DRC11: variants seen among roughly 807,000 people sequenced by gnomAD.
DRC11 encodes the protein IQ and AAA domain-containing protein 1.
chr2:236,374,027 A>G, the DRC11 span, among the ~76,000 whole-genome samples: 1 of 151,976 alleles, frequency 6.6e-6, no homozygotes, highest in East Asian at 1.9e-4. Flanking sequence ...CTCATCTGCT[A>G]TTGAGGTGGG....
chr2:236,487,936 T>C, the DRC11 span: 4 of 1,139,250 alleles, frequency 3.5e-6, no homozygotes, highest in Middle Eastern at 3.0e-4. Flanking sequence ...AGCCCCAAAA[T>C]TGAGATGTAT....
At chr2:236,466,745 A>G in the DRC11 span, among the ~76,000 whole-genome samples, 1 of 152,228 alleles carries the variant, frequency 6.6e-6, no homozygotes, top group Non-Finnish European at 1.5e-5. Context: ...TCTGCCCCCA[A>G]GATCCATCAC....
At chr2:236,436,288 T>G in the DRC11 span, among the ~76,000 whole-genome samples, 1 of 152,298 alleles carries the variant, frequency 6.6e-6, no homozygotes, top group East Asian at 1.9e-4. Context: ...GTTGCAAATG[T>G]TTTTCCTCAG....
chr2:236,439,473 T>C, the DRC11 span, among the ~76,000 whole-genome samples: 8 of 152,362 alleles, frequency 5.3e-5, no homozygotes, highest in Admixed American at 5.2e-4. Flanking sequence ...AGTGTGTATT[T>C]GTACTTTATT....
chr2:236,454,296 C>T, the DRC11 span, among the ~76,000 whole-genome samples: 3 of 152,186 alleles, frequency 2.0e-5, no homozygotes, highest in South Asian at 2.1e-4. This position sits in a 1 kb window ranked among gnomAD's most constrained non-coding sequence, Gnocchi z 5.3. Flanking sequence ...TTTACTGTGA[C>T]GACCGACATC....
At chr2:236,497,449 A>T in the DRC11 span, 24 of 1,613,206 alleles carry the variant, frequency 1.5e-5, no homozygotes, top group Non-Finnish European at 1.9e-5. The surrounding 1 kb of genome is among the most constrained non-coding windows in gnomAD (Gnocchi z 5.1). Context: ...TAAAGCACCG[A>T]GGGCTTCTTG....
At chr2:236,507,114 A>C in the DRC11 span, 1 of 775,752 alleles carries the variant, frequency 1.3e-6, no homozygotes, top group Non-Finnish European at 2.1e-6. Flanking sequence ...ATTTCCTAAA[A>C]GGAAAAAAAG....
At chr2:236,395,242 T>A in the DRC11 span, among the ~76,000 whole-genome samples, 1 of 152,006 alleles carries the variant, frequency 6.6e-6, no homozygotes, top group East Asian at 1.9e-4. Context: ...AAAACAGGTG[T>A]GACGACAAGA....
At chr2:236,407,974 T>C in the DRC11 span, 1 of 539,954 alleles carries the variant, frequency 1.9e-6, no homozygotes, top group Non-Finnish European at 3.7e-6. Context: ...GTCAATGAAC[T>C]TAAGGTCAGT....
At chr2:236,424,587 C>T in the DRC11 span, among the ~76,000 whole-genome samples, 2 of 152,130 alleles carry the variant, frequency 1.3e-5, no homozygotes, top group African/African-American at 4.8e-5. Context: ...GATACATGTA[C>T]ACATTGTGGA....
At chr2:236,481,560 G>C in the DRC11 span, among the ~76,000 whole-genome samples, 2 of 152,058 alleles carry the variant, frequency 1.3e-5, no homozygotes, top group Non-Finnish European at 2.9e-5. Flanking sequence ...TTTCTGTTGG[G>C]GGGAGTGAAG....
the DRC11 span, among the ~76,000 whole-genome samples, chr2:236,395,903 T>C: frequency 1.3e-5 from 2 of 152,160 alleles, no homozygotes; most frequent in Non-Finnish European, 2.9e-5. Flanking sequence ...ATAATGTATT[T>C]AATAATAAAA....
the DRC11 span, chr2:236,408,776 G>C: frequency 8.9e-5 from 60 of 671,622 alleles, 1 homozygote; most frequent in South Asian, 9.2e-4. This position sits in a 1 kb window ranked among gnomAD's most constrained non-coding sequence, Gnocchi z 5.5. Context: ...TGAAGGTCTG[G>C]AGGCCTTGAG....
At chr2:236,308,237 A>T in the DRC11 span, among the ~76,000 whole-genome samples, 2 of 152,218 alleles carry the variant, frequency 1.3e-5, no homozygotes, top group African/African-American at 4.8e-5. This position sits in a 1 kb window ranked among gnomAD's most constrained non-coding sequence, Gnocchi z 6.0. Flanking sequence ...CTCAGTGTGG[A>T]ACACACCTGC....
the DRC11 span, among the ~76,000 whole-genome samples, chr2:236,333,834 T>G: frequency 1.3e-5 from 2 of 152,156 alleles, no homozygotes; most frequent in Non-Finnish European, 2.9e-5. This position sits in a 1 kb window ranked among gnomAD's most constrained non-coding sequence, Gnocchi z 6.0. Context: ...ACAGTTACTG[T>G]ACTGGGAAAG....
chr2:236,426,179 T>C, the DRC11 span, among the ~76,000 whole-genome samples: 1 of 152,208 alleles, frequency 6.6e-6, no homozygotes, highest in East Asian at 1.9e-4. This position sits in a 1 kb window ranked among gnomAD's most constrained non-coding sequence, Gnocchi z 4.1. Context: ...AAAGTGTCAC[T>C]GAAATTTTGA....
At chr2:236,436,146 C>T in the DRC11 span, among the ~76,000 whole-genome samples, 1 of 152,058 alleles carries the variant, frequency 6.6e-6, no homozygotes, top group African/African-American at 2.4e-5. Flanking sequence ...CATGTAATTG[C>T]CAGTGAGTTT....
chr2:236,354,922 C>A, the DRC11 span, among the ~76,000 whole-genome samples: 40 of 152,194 alleles, frequency 2.6e-4, no homozygotes, highest in African/African-American at 8.7e-4. Context: ...GAGTCCCCTT[C>A]CCACGGCAGC....
the DRC11 span, among the ~76,000 whole-genome samples, chr2:236,463,261 A>G: frequency 2.0e-5 from 3 of 152,206 alleles, no homozygotes; most frequent in African/African-American, 7.2e-5. This position sits in a 1 kb window ranked among gnomAD's most constrained non-coding sequence, Gnocchi z 5.0. Context: ...ATCCCCAGAA[A>G]GCAAGGAGAA....
Sources: gnomAD v4.1 joint callset for allele counts (sites outside exome capture counted in the v4.1 genomes callset) on GRCh38, gnomAD v4.1.1 for gene constraint, Gnocchi (gnomAD v3.1) non-coding constraint, MANE v1.5 for transcripts, NCBI Gene and HGNC (gene_info 2026-07-23, HGNC 2026-07-21) for gene names.